LPP: variants seen among roughly 807,000 people sequenced by gnomAD.
LPP encodes the protein lipoma-preferred partner.
Under a neutral mutation model 60.4 loss-of-function variants are expected in LPP, and 38 were observed. That is an observed-to-expected ratio of 0.63 (90% CI 0.49 to 0.83). The LOEUF (loss-of-function observed/expected upper bound fraction) is 0.83, where lower values mean the gene tolerates loss of function less well. LPP is among the 40% of genes least tolerant of loss of function. The pLI is 0.00. For synonymous variants in LPP, 328 were observed against 290.8 expected, an observed-to-expected ratio of 1.13 and a Z score of -1.30; for missense variants, 902 against 783.6, an observed-to-expected ratio of 1.15 and a Z score of -1.80.
chr3:188,824,114 T>A (rs947510516), intron 9 of LPP, among the ~76,000 whole-genome samples: 8 of 152,228 alleles, frequency 5.3e-5, no homozygotes, highest in Admixed American at 2.6e-4. Context: ...ATTCTGGCTC[T>A]ACTGTATACT....
intron 8 of LPP, among the ~76,000 whole-genome samples, chr3:188,753,657 T>G (rs1728909876): frequency 1.3e-5 from 2 of 151,874 alleles, no homozygotes; most frequent in African/African-American, 4.8e-5. Flanking sequence ...AATTTCTCTT[T>G]TTGGACTAAG....
intron 5 of LPP, among the ~76,000 whole-genome samples, chr3:188,485,622 C>T (rs939532156): frequency 6.6e-6 from 1 of 150,748 alleles, no homozygotes; most frequent in Admixed American, 6.6e-5. Flanking sequence ...ACGGTGAAAC[C>T]CCGTCTCTAC....
intron 4 of LPP, among the ~76,000 whole-genome samples, chr3:188,434,341 T>A (rs556118687): frequency 1.3e-5 from 2 of 152,202 alleles, no homozygotes; most frequent in African/African-American, 4.8e-5. Flanking sequence ...AGGCTCTTTA[T>A]GTGATGCATA....
intron 6 of LPP, among the ~76,000 whole-genome samples, chr3:188,581,307 C>T (rs1429265384): frequency 1.3e-5 from 2 of 152,058 alleles, no homozygotes; most frequent in Non-Finnish European, 2.9e-5. Context: ...TAAATGTGGA[C>T]AGACTGGCAT....
At position 188,406,232 on chromosome 3, in the gene LPP, A is replaced by G. The variant is rs1783458736; in HGVS notation, c.112A>G (p.Thr38Ala). The change falls in exon 4 of 12, where the codon ACA becomes GCA. Residue 38 changes from threonine (T) to alanine (A), a missense_variant. Coordinates refer to ENST00000617246, the MANE Select transcript of LPP (RefSeq NM_001375462.1). ...TGGGAACCCCAGCATTTCAGTGTCT[A>G]CACAACAGCCACCCAAAAAGTTTGC... Reference protein sequence around the residue: ...SFGNPSISVSTQQPPKKFAPV... With the variant: ...SFGNPSISVSAQQPPKKFAPV... The G allele has an allele frequency of 1.2e-6, 2 of 1,614,140 alleles. No individual in the cohort carries two copies. Among genetic ancestry groups the G allele is most frequent in the Non-Finnish European group, 1.7e-6 (2 of 1,180,006 alleles).
intron 1 of LPP, among the ~76,000 whole-genome samples, chr3:188,167,077 A>G (rs76725279): frequency 0.066 from 10,092 of 152,306 alleles, 586 homozygotes; most frequent in South Asian, 0.27. Context: ...TGTTAGCCAT[A>G]TAATCGTGTA....
rs568457677 is a variant in LPP at position 188,375,669 on chromosome 3, T to G, written c.-9-30443T>G. ...TTAAAAAAACCAGCTCCTGGATTCA[T>G]TAATTTTTTGAAGGGTTTTTTTGTG... is the stretch of plus-strand genomic sequence containing the variant. On this transcript the variant is annotated intron_variant, in intron 3 of 11. Transcript: ENST00000617246. Among the ~76,000 whole-genome samples, 273 of 152,324 alleles carry G rather than the reference T, an allele frequency of 1.8e-3. 3 individuals are homozygous for G. The highest frequency in any genetic ancestry group is 6.4e-3 in the African/African-American group (267 of 41,586).
intron 2 of LPP, among the ~76,000 whole-genome samples, chr3:188,339,729 C>T (rs1762556589): frequency 6.6e-6 from 1 of 152,182 alleles, no homozygotes; most frequent in Non-Finnish European, 1.5e-5. Context: ...ATGGGGTTTA[C>T]AATTCAAGAT....
At chr3:188,819,639 A>C (rs979386996) in intron 9 of LPP, among the ~76,000 whole-genome samples, 7 of 152,166 alleles carry the variant, frequency 4.6e-5, no homozygotes, top group African/African-American at 9.7e-5. Flanking sequence ...ACGGAGTATG[A>C]TCTTTGACAG....
chr3:188,241,953 C>T (rs930427168), intron 2 of LPP, among the ~76,000 whole-genome samples: 4 of 152,086 alleles, frequency 2.6e-5, no homozygotes, highest in African/African-American at 9.7e-5. Flanking sequence ...CATTGGAAAA[C>T]TTTGGGCTGG....
intron 6 of LPP, among the ~76,000 whole-genome samples, chr3:188,577,305 A>T (rs73194468): frequency 0.082 from 12,475 of 152,266 alleles, 879 homozygotes; most frequent in African/African-American, 0.19. Flanking sequence ...GTGAAATAAG[A>T]CATACACCCT....
intron 2 of LPP, among the ~76,000 whole-genome samples, chr3:188,275,083 C>T (rs1739183612): frequency 1.3e-5 from 2 of 152,186 alleles, no homozygotes; most frequent in African/African-American, 4.8e-5. Flanking sequence ...TTTAGTTCTA[C>T]AGCATGTGGT....
Position 188,677,663 on chromosome 3 carries a change from T to C in LPP, c.1114-30604T>C, listed in dbSNP as rs530079839. Reference sequence around the variant, plus strand: ...GAGGGAAGCGTTCCATGAGCTGCTCTGTCATTTGCATGCCAGTGAAATTAA... The same window carrying C: ...GAGGGAAGCGTTCCATGAGCTGCTCCGTCATTTGCATGCCAGTGAAATTAA... On this transcript the variant is annotated intron_variant, in intron 7 of 11. Transcript: ENST00000617246. Among the ~76,000 whole-genome samples, 4 of 152,320 alleles carry C rather than the reference T, an allele frequency of 2.6e-5. No individual in the cohort carries two copies. In the South Asian group the frequency reaches 8.3e-4, roughly 32 times the overall value.
At chr3:188,654,414 C>A (rs1852716184) in intron 7 of LPP, among the ~76,000 whole-genome samples, 1 of 152,036 alleles carries the variant, frequency 6.6e-6, no homozygotes, top group Admixed American at 6.6e-5. Context: ...TGTTAAAATG[C>A]CTTAAAAATG....
chr3:188,182,810 T>G lies in LPP; in HGVS notation c.-190+28558T>G, dbSNP rs1725513458. ...TATGTACATATACAATATATGCACA[T>G]ATATAATATATGTACATATAATATA... is the stretch of plus-strand genomic sequence containing the variant. On this transcript the variant is annotated intron_variant, in intron 1 of 11. Transcript: ENST00000617246. The surrounding 1 kb of genome is among the most constrained non-coding windows in gnomAD (Gnocchi z 4.4). 6.6e-6 allele frequency among the ~76,000 whole-genome samples: 1 copy of G among 150,640 alleles called. No individual in the cohort carries two copies. The highest frequency in any genetic ancestry group is 1.5e-5 in the Non-Finnish European group (1 of 67,784).
chr3:188,185,883 T>G (rs1726453952), intron 1 of LPP, among the ~76,000 whole-genome samples: 1 of 152,244 alleles, frequency 6.6e-6, no homozygotes, highest in Non-Finnish European at 1.5e-5. Context: ...GCACTCAGCA[T>G]GAAGCCTGGC....
intron 2 of LPP, among the ~76,000 whole-genome samples, chr3:188,248,494 A>ATATATATATATATATATATATATATG (rs1371178264): frequency 3.6e-5 from 5 of 139,838 alleles, no homozygotes; most frequent in Admixed American, 7.1e-5. Flanking sequence ...ATATATATAT[A>ATATATATATATATATATATATATATG]TATACAGTCA....
intron 7 of LPP, among the ~76,000 whole-genome samples, chr3:188,668,677 G>A (rs1399766020): frequency 6.6e-6 from 1 of 152,156 alleles, no homozygotes; most frequent in Non-Finnish European, 1.5e-5. Context: ...TTACAATCTG[G>A]AACAGACGTG....
chr3:188,276,510 C>G lies in LPP; in HGVS notation c.-67+50983C>G, dbSNP rs1461415979. Among the ~76,000 whole-genome samples the G allele has an allele frequency of 2.8e-4, 42 of 152,150 alleles. 1 individual carries two copies. Among genetic ancestry groups the G allele is most frequent in the Admixed American group, 2.8e-3 (42 of 15,268 alleles). On this transcript the variant is annotated intron_variant, in intron 2 of 11. Coordinates refer to ENST00000617246, the MANE Select transcript of LPP (RefSeq NM_001375462.1). Reference sequence around the variant, plus strand: ...TATTTGTTTGGATATTTGTCCCCGTCCAAATCTCATGTTGAATTCTAATCC... The same window carrying G: ...TATTTGTTTGGATATTTGTCCCCGTGCAAATCTCATGTTGAATTCTAATCC...
Sources: gnomAD v4.1 joint callset for allele counts (sites outside exome capture counted in the v4.1 genomes callset) on GRCh38, gnomAD v4.1.1 for gene constraint, Gnocchi (gnomAD v3.1) non-coding constraint, MANE v1.5 for transcripts, NCBI Gene and HGNC (gene_info 2026-07-23, HGNC 2026-07-21) for gene names.